The following ALMS1 variants were observed in gnomAD, a reference collection of about 807,000 sequenced individuals.
ALMS1 encodes centrosome-associated protein ALMS1.
ALMS1 carries 271 observed loss-of-function variants against 352.2 expected under a neutral mutation model. The ratio of observed to expected loss-of-function variants is 0.77; its 90% CI spans 0.70 to 0.85. The LOEUF is 0.85. ALMS1 is among the 40% of genes least tolerant of loss of function. The pLI, the probability that ALMS1 is intolerant of heterozygous loss-of-function variation, is 0.00. For synonymous variants in ALMS1, 1,865 were observed against 1,761.2 expected (o/e 1.06, Z -1.48); for missense variants, 5,445 against 4,870.7 (o/e 1.12, Z -3.51).
Position 73,453,360 on chromosome 2 carries a change from A to G in ALMS1, c.6833A>G (p.Asn2278Ser), listed in dbSNP as rs767464740. The G allele has an allele frequency of 9.3e-6, 15 of 1,613,692 alleles. No homozygotes were observed. The African/African-American group carries it at 1.6e-4, about 17-fold the overall frequency. ...GAAAATATGGCACTGAAACGATGCA[A>G]TTTTCCTGCTCCCCTTGCCCGTTTC... The part of the protein sequence containing the change: ...EAENMALKRC[N>S]FPAPLARFRD... The change falls in exon 8 of 23, where the codon AAT (asparagine) becomes AGT (serine). Residue 2278 changes from asparagine to serine, a missense_variant. Physicochemically the swap from Asn to Ser is conservative, Grantham distance 46 (BLOSUM62 1). Coordinates refer to ENST00000613296, the MANE Select transcript of ALMS1 (RefSeq NM_001378454.1).
Position 73,451,764 on chromosome 2 carries a change from A to C in ALMS1, c.5237A>C (p.Asp1746Ala), listed in dbSNP as rs1558650033. The change falls in exon 8 of 23, where the codon GAC (aspartate) becomes GCC (alanine). Residue 1746 changes from aspartate (D) to alanine (A), a missense_variant. Physicochemically the swap from Asp to Ala is moderately radical, Grantham distance 126. Coordinates refer to ENST00000613296, the MANE Select transcript of ALMS1 (RefSeq NM_001378454.1). ...GTTTCAGCTGTTCCTCAACCAGCTGACCAGAAGACTGGGTTATCTACTGTA... is the reference window on the plus strand; with the variant it reads ...GTTTCAGCTGTTCCTCAACCAGCTGCCCAGAAGACTGGGTTATCTACTGTA... The part of the protein sequence containing the change: ...LKVSAVPQPA[D>A]QKTGLSTVTS... The C allele has an allele frequency of 6.2e-7, 1 of 1,614,102 alleles. No homozygotes were observed.
At chr2:73,547,393 C>G (rs181034695) in intron 12 of ALMS1, among the ~76,000 whole-genome samples, 50 of 152,316 alleles carry the variant, frequency 3.3e-4, no homozygotes, top group African/African-American at 1.1e-3. Context: ...CTCAGGGTGA[C>G]TGGCCCCTTT....
rs45630562 is a variant in ALMS1, at chr2:73,599,513, T to C, written c.11660T>C (p.Ile3887Thr). The change falls in exon 17 of 23, where the codon ATA (isoleucine) becomes ACA (threonine). Residue 3887 changes from isoleucine (I) to threonine (T), a missense_variant. Physicochemically the swap from Ile to Thr is moderately conservative, Grantham distance 89 (BLOSUM62 -1). Transcript: ENST00000613296. ...KQNVHMLNKG[I>T]QAGNLEIVNG... ...AATGTACACATGTTAAACAAGGGCATACAAGCAGGTAATTACTTGAATCTA... is the reference window on the plus strand; with the variant it reads ...AATGTACACATGTTAAACAAGGGCACACAAGCAGGTAATTACTTGAATCTA... 3.3e-5 allele frequency: 54 copies of C among 1,613,436 alleles called. No individual in the cohort carries two copies. The highest frequency in any genetic ancestry group is 4.5e-5 in the East Asian group (2 of 44,864).
rs774594040 is a variant in ALMS1 at position 73,451,461 on chromosome 2, C to A, written c.4934C>A (p.Ser1645Ter). ...CTAAATAAAGAGGTTGTGAAAGTTT[C>A]AGCTGCTCCTGGACCAGCTGACCAG... ...SPLNKEVVKV[S>*]AAPGPADQKT... is the part of the protein sequence containing the mutation. The change falls in exon 8 of 23, where the codon TCA becomes TAA. Residue 1645 changes from serine (S) to a stop codon, truncating the protein, a stop_gained. Transcript: ENST00000613296. LOFTEE classifies it high-confidence loss of function. 2 of 1,614,080 alleles carry A rather than the reference C, an allele frequency of 1.2e-6. No individual in the cohort carries two copies. Among genetic ancestry groups the A allele is most frequent in the South Asian group, 1.1e-5 (1 of 91,078 alleles).
chr2:73,579,650 G>T (rs1348242234), intron 16 of ALMS1, among the ~76,000 whole-genome samples: 1 of 152,186 alleles, frequency 6.6e-6, no homozygotes, highest in Non-Finnish European at 1.5e-5. Flanking sequence ...AGTTTTGCTG[G>T]AGGTAGATTT....
intron 1 of ALMS1, among the ~76,000 whole-genome samples, chr2:73,394,565 G>T (rs559243216): frequency 1.3e-5 from 2 of 152,106 alleles, no homozygotes; most frequent in African/African-American, 2.4e-5. Context: ...GACCAGGCTG[G>T]TCTCGAACTC....
chr2:73,415,267 GT>G (rs1246769288), intron 2 of ALMS1, among the ~76,000 whole-genome samples: 4 of 152,126 alleles, frequency 2.6e-5, no homozygotes, highest in Non-Finnish European at 5.9e-5. Flanking sequence ...AATGCAGAAA[GT>G]TAAAAAAGGT....
At chr2:73,595,179 C>G (rs192796890) in intron 16 of ALMS1, among the ~76,000 whole-genome samples, 1 of 152,176 alleles carries the variant, frequency 6.6e-6, no homozygotes, top group Non-Finnish European at 1.5e-5. Context: ...AGCCCTCCTT[C>G]GCAGAGGTAT....
intron 1 of ALMS1, among the ~76,000 whole-genome samples, chr2:73,387,922 A>G (rs1166172455): frequency 6.6e-6 from 1 of 152,218 alleles, no homozygotes; most frequent in Non-Finnish European, 1.5e-5. Flanking sequence ...CAAAATCATC[A>G]TACTTAATAA....
At chr2:73,430,481 T>C (rs1257731220) in intron 6 of ALMS1, among the ~76,000 whole-genome samples, 1 of 152,210 alleles carries the variant, frequency 6.6e-6, no homozygotes, top group East Asian at 1.9e-4. Flanking sequence ...TTGAAAGCTG[T>C]AGAAGAAAAA....
chr2:73,507,920 A>G (rs898465727), intron 10 of ALMS1, among the ~76,000 whole-genome samples: 2 of 152,084 alleles, frequency 1.3e-5, no homozygotes, highest in African/African-American at 4.8e-5. Context: ...ATTTAGTGCT[A>G]TAAATTTCCC....
chr2:73,505,592 T>G (rs1673304377), intron 10 of ALMS1, among the ~76,000 whole-genome samples: 1 of 152,238 alleles, frequency 6.6e-6, no homozygotes, highest in Non-Finnish European at 1.5e-5. Context: ...GTACATTTGT[T>G]TAAGTTCCTT....
chr2:73,458,377 A>G (rs1672117640), intron 9 of ALMS1: 1 of 152,184 alleles, frequency 6.6e-6, no homozygotes, highest in South Asian at 2.1e-4. Flanking sequence ...CTACTGTTGG[A>G]CATTTATTCA....
Position 73,453,599 on chromosome 2 carries a change from A to C in ALMS1, c.7072A>C (p.Thr2358Pro). The part of the protein sequence containing the change: ...IENWEFISST[T>P]VRSPLQEAES... ...AAATTGGGAGTTTATTAGTTCAACT[A>C]CAGTTAGAAGTCCTCTACAGGAAGC... Residue 2358 changes from threonine to proline, a missense_variant, in exon 8 of 23, where the codon ACA (threonine) becomes CCA (proline). Thr to Pro is a conservative substitution (Grantham distance 38). Transcript: ENST00000613296. 1 of 1,614,024 alleles carries C rather than the reference A, an allele frequency of 6.2e-7. No individual in the cohort carries two copies. Among genetic ancestry groups the C allele is most frequent in the Non-Finnish European group, 8.5e-7 (1 of 1,180,004 alleles).
At chr2:73,570,380 C>T (rs10185080) in intron 15 of ALMS1, among the ~76,000 whole-genome samples, 2 of 151,988 alleles carry the variant, frequency 1.3e-5, no homozygotes, top group Non-Finnish European at 1.5e-5. Context: ...AGAATATAGA[C>T]TGAGAACATT....
At chr2:73,492,335 A>C (rs1449514593) in intron 10 of ALMS1, among the ~76,000 whole-genome samples, 1 of 152,222 alleles carries the variant, frequency 6.6e-6, no homozygotes, top group Non-Finnish European at 1.5e-5. Context: ...CATGGCAATA[A>C]GGAACTTAGA....
intron 12 of ALMS1, among the ~76,000 whole-genome samples, chr2:73,538,779 G>A (rs140224167): frequency 2.0e-4 from 30 of 152,280 alleles, no homozygotes; most frequent in African/African-American, 6.3e-4. Context: ...ACGGAGCCTC[G>A]CTCATTGCTA....
rs45576434 is a variant in ALMS1 at position 73,600,807 on chromosome 2, G to A, written c.11798G>A (p.Arg3933His). The change falls in exon 18 of 23, where the codon CGT becomes CAT. Residue 3933 changes from arginine (R) to histidine (H), a missense_variant. Physicochemically the swap from Arg to His is conservative, Grantham distance 29. Coordinates refer to ENST00000613296, the MANE Select transcript of ALMS1 (RefSeq NM_001378454.1). ...SDVTSWSEEKREEKMLFTGYP... is the reference protein window; with the variant it reads ...SDVTSWSEEKHEEKMLFTGYP... ...GTGACTTCTTGGTCAGAAGAAAAAC[G>A]TGAAGAGAAAATGCTCTTTACCGGT... 1.1e-5 allele frequency: 18 copies of A among 1,614,074 alleles called. No homozygotes were observed. Among genetic ancestry groups the A allele is most frequent in the South Asian group, 5.5e-5 (5 of 91,086 alleles).
intron 2 of ALMS1, among the ~76,000 whole-genome samples, chr2:73,410,728 T>A (rs1438756770): frequency 6.6e-6 from 1 of 152,154 alleles, no homozygotes; most frequent in Non-Finnish European, 1.5e-5. Flanking sequence ...TAGAACATAG[T>A]TATAAACTTT....
Sources: gnomAD v4.1 joint callset for allele counts (sites outside exome capture counted in the v4.1 genomes callset) on GRCh38, gnomAD v4.1.1 for gene constraint, MANE v1.5 for transcripts, NCBI Gene and HGNC (gene_info 2026-07-23, HGNC 2026-07-21) for gene names.